NCK2: variants seen among roughly 807,000 people sequenced by gnomAD.
NCK2 encodes NCK adaptor protein 2.
NCK2 carries 16 observed loss-of-function variants against 33.9 expected under a neutral mutation model. That is an observed-to-expected ratio of 0.47 (90% CI 0.32 to 0.72). The LOEUF (loss-of-function observed/expected upper bound fraction) is 0.72, where lower values mean the gene tolerates loss of function less well. Ranked by LOEUF, NCK2 falls within the 30% of genes least tolerant of loss-of-function variation. The probability of loss-of-function intolerance (pLI) is 0.03; values close to 1 mark genes in which losing one functional copy is unlikely to be tolerated. For missense variants in NCK2, 418 were observed against 537.3 expected (o/e 0.78, Z 2.19); for synonymous variants, 273 against 239.9 (o/e 1.14, Z -1.27).
chr2:105,824,355 G>C (rs554053696), intron 2 of NCK2, among the ~76,000 whole-genome samples: 2 of 152,194 alleles, frequency 1.3e-5, no homozygotes, highest in Non-Finnish European at 1.5e-5. Context: ...GTTTTATTTA[G>C]TGCCTTCCGG....
intron 2 of NCK2, among the ~76,000 whole-genome samples, chr2:105,837,228 G>A (rs1676467631): frequency 1.3e-5 from 2 of 152,188 alleles, no homozygotes; most frequent in African/African-American, 4.8e-5. Context: ...TGATTGCTGG[G>A]TGTGTCTCTA....
chr2:105,771,279 A>G (rs544083936), intron 1 of NCK2, among the ~76,000 whole-genome samples: 1 of 151,968 alleles, frequency 6.6e-6, no homozygotes, highest in Non-Finnish European at 1.5e-5. Flanking sequence ...TAGTAAAAAA[A>G]CATGAGGGCT....
intron 1 of NCK2, among the ~76,000 whole-genome samples, chr2:105,792,202 G>T (rs1408261407): frequency 6.6e-6 from 1 of 152,138 alleles, no homozygotes; most frequent in Non-Finnish European, 1.5e-5. Flanking sequence ...TTGCTGCTTG[G>T]GGGTTTCTGA....
In NCK2 at chr2:105,881,506, G is replaced by A. The variant is rs1678482353; in HGVS notation, c.405G>A (p.Gly135=). ...AGGATGAGTTGTCCCTGGTGAAGGGGTCGCGCGTCACCGTCATGGAGAAGT... is the reference window on the plus strand; with the variant it reads ...AGGATGAGTTGTCCCTGGTGAAGGGATCGCGCGTCACCGTCATGGAGAAGT... ...EREDELSLVK[G]SRVTVMEKCS... Residue 135 remains glycine, a synonymous_variant, in exon 4 of 5, where the codon GGG becomes GGA. Transcript: ENST00000233154. 1 of 1,614,044 alleles carries A rather than the reference G, an allele frequency of 6.2e-7. No homozygotes were observed. The highest frequency in any genetic ancestry group is 1.3e-5 in the African/African-American group (1 of 75,076).
chr2:105,866,022 T>C lies in NCK2; in HGVS notation c.226+10733T>C, dbSNP rs149378789. On this transcript the variant is annotated intron_variant, in intron 3 of 4. Coordinates refer to ENST00000233154, the MANE Select transcript of NCK2 (RefSeq NM_003581.5). ...CTCCGCCTACCAGGTTCGAGCAATT[T>C]TCCTGACTCAGCTTCCCAAGTAGCT... Among the ~76,000 whole-genome samples, 643 of 152,168 alleles carry C rather than the reference T, an allele frequency of 4.2e-3. 2 individuals are homozygous for C. The highest frequency in any genetic ancestry group is 0.014 in the African/African-American group (586 of 41,524).
intron 1 of NCK2, among the ~76,000 whole-genome samples, chr2:105,813,580 A>G (rs902973190): frequency 1.3e-5 from 2 of 152,198 alleles, no homozygotes; most frequent in Non-Finnish European, 2.9e-5. Context: ...CCAGCACCAC[A>G]CAGGCATTGG....
At chr2:105,829,332 G>T (rs1259829207) in intron 2 of NCK2, among the ~76,000 whole-genome samples, 6 of 152,040 alleles carry the variant, frequency 3.9e-5, no homozygotes, top group African/African-American at 1.4e-4. Context: ...TAGATTTACA[G>T]AAGGCTTATG....
chr2:105,764,736 G>A (rs542666511), intron 1 of NCK2, among the ~76,000 whole-genome samples: 1 of 152,190 alleles, frequency 6.6e-6, no homozygotes, highest in Non-Finnish European at 1.5e-5. Context: ...AAAGCGAGAT[G>A]CTTCCTGTAA....
chr2:105,791,623 G>A (rs898595153), intron 1 of NCK2, among the ~76,000 whole-genome samples: 3 of 152,148 alleles, frequency 2.0e-5, no homozygotes, highest in African/African-American at 4.8e-5. Flanking sequence ...AGAGCATTTC[G>A]AACTGACTCC....
intron 1 of NCK2, among the ~76,000 whole-genome samples, chr2:105,760,218 G>A (rs989006871): frequency 2.0e-5 from 3 of 152,220 alleles, no homozygotes; most frequent in Non-Finnish European, 4.4e-5. Flanking sequence ...GGGGATAGAA[G>A]GCACTGTGGC....
intron 2 of NCK2, among the ~76,000 whole-genome samples, chr2:105,819,997 G>A (rs1041917369): frequency 6.6e-6 from 1 of 152,164 alleles, no homozygotes; most frequent in African/African-American, 2.4e-5. Flanking sequence ...GTTTGGGACT[G>A]TGCTAACTGC....
At chr2:105,784,778 C>T (rs374680074) in intron 1 of NCK2, among the ~76,000 whole-genome samples, 1 of 152,126 alleles carries the variant, frequency 6.6e-6, no homozygotes, top group Admixed American at 6.5e-5. Context: ...TGTTCCAGGC[C>T]CGTGTTTCCC....
intron 3 of NCK2, among the ~76,000 whole-genome samples, chr2:105,877,437 G>A (rs1245879000): frequency 6.6e-6 from 1 of 152,182 alleles, no homozygotes; most frequent in Admixed American, 6.5e-5. Flanking sequence ...TCCCATTGAC[G>A]TCTTTCCCAC....
chr2:105,819,652 C>T (rs146424123), intron 2 of NCK2, among the ~76,000 whole-genome samples: 22 of 152,262 alleles, frequency 1.4e-4, no homozygotes, highest in African/African-American at 5.3e-4. Flanking sequence ...ACGGGTGCCA[C>T]GTAGACAAGA....
At chr2:105,835,405 A>ATATATATG (rs70953537) in intron 2 of NCK2, among the ~76,000 whole-genome samples, 2 of 37,980 alleles carry the variant, frequency 5.3e-5, no homozygotes, top group African/African-American at 1.3e-4. Context: ...ATATATATAT[A>ATATATATG]CGTGTATATA....
intron 2 of NCK2, among the ~76,000 whole-genome samples, chr2:105,847,973 A>G (rs1476025150): frequency 6.6e-6 from 1 of 152,084 alleles, no homozygotes; most frequent in African/African-American, 2.4e-5. Context: ...TGTCATCCCA[A>G]TTTTACTACC....
intron 1 of NCK2, among the ~76,000 whole-genome samples, chr2:105,754,581 A>T (rs1403062916): frequency 6.6e-6 from 1 of 152,148 alleles, no homozygotes; most frequent in Non-Finnish European, 1.5e-5. Context: ...CTTCATTTTA[A>T]GGACAATCAC....
intron 3 of NCK2, among the ~76,000 whole-genome samples, chr2:105,869,974 G>A (rs1677932261): frequency 6.6e-6 from 1 of 152,032 alleles, no homozygotes; most frequent in Non-Finnish European, 1.5e-5. Flanking sequence ...CAAAGGAATG[G>A]GCTTTCTTAT....
intron 1 of NCK2, among the ~76,000 whole-genome samples, chr2:105,796,425 A>G (rs1288067959): frequency 2.0e-5 from 3 of 152,144 alleles, no homozygotes; most frequent in African/African-American, 4.8e-5. Context: ...GAACAATTCA[A>G]TGTTTTGCTG....
Sources: allele counts gnomAD v4.1 joint callset (sites outside exome capture counted in the v4.1 genomes callset), GRCh38; gene constraint gnomAD v4.1.1; transcripts MANE v1.5; gene names NCBI Gene and HGNC (gene_info 2026-07-23, HGNC 2026-07-21).